WSCD1: variants seen among roughly 807,000 people sequenced by gnomAD.
WSCD1 encodes the protein WSC domain sialate O sulfotransferase 1, also known as sialate:O-sulfotransferase 1.
Under a neutral mutation model 60.4 loss-of-function variants are expected in WSCD1, and 41 were observed. The ratio of observed to expected loss-of-function variants is 0.68; its 90% confidence interval spans 0.53 to 0.88. The LOEUF (loss-of-function observed/expected upper bound fraction) is 0.88, where lower values mean the gene tolerates loss of function less well. Ranked by LOEUF, WSCD1 falls within the 40% of genes least tolerant of loss-of-function variation. The probability of loss-of-function intolerance (pLI) is 0.00; values close to 1 mark genes in which losing one functional copy is unlikely to be tolerated. For synonymous variants in WSCD1, 361 were observed against 332.5 expected, an observed-to-expected ratio of 1.09 and a Z score of -0.93; for missense variants, 784 against 796.2, an observed-to-expected ratio of 0.98 and a Z score of 0.18.
intron 8 of WSCD1, among the ~76,000 whole-genome samples, chr17:6,119,081 T>C (rs997012466): frequency 6.6e-6 from 1 of 152,152 alleles, no homozygotes; most frequent in African/African-American, 2.4e-5. Flanking sequence ...AAGGCACTAA[T>C]TCCATCACAA....
rs1911378363 is a variant in WSCD1 at position 6,111,023 on chromosome 17, CAGT to C, written c.1174+89_1174+91del. On this transcript the variant is annotated intron_variant, in intron 7 of 8. Coordinates refer to ENST00000317744, the MANE Select transcript of WSCD1 (RefSeq NM_015253.2). ...AGCCAAGCTTCTCAGAGCACTAGAG[CAGT>C]GCATCTCAAACTTGAGTGTACATAA... The C allele has an allele frequency of 4.1e-6, 6 of 1,472,138 alleles. No homozygotes were observed. In the Admixed American group the frequency reaches 1.4e-4, roughly 33 times the overall value. The allele number at this position is 1,472,138 out of a possible 1,614,324, so 91.2% of individuals were successfully genotyped here.
At chr17:6,096,132 C>A (rs1252882036) in intron 5 of WSCD1, among the ~76,000 whole-genome samples, 1 of 152,320 alleles carries the variant, frequency 6.6e-6, no homozygotes, top group East Asian at 1.9e-4. Flanking sequence ...TGGGTTAACT[C>A]ATTTAATCCT....
In WSCD1 at chr17:6,080,787, A is replaced by G; in HGVS notation, c.129A>G (p.Pro43=). The G allele has an allele frequency of 1.2e-6, 2 of 1,611,074 alleles. No individual in the cohort carries two copies. Among genetic ancestry groups the G allele is most frequent in the Non-Finnish European group, 1.7e-6 (2 of 1,179,124 alleles). The change falls in exon 2 of 9, where the codon CCA becomes CCG. Residue 43 remains proline (P), a synonymous_variant. Transcript: ENST00000317744. The surrounding 1 kb of genome is among the most constrained non-coding windows in gnomAD (Gnocchi z 6.6). The part of the protein sequence containing the change: ...LLLQRVRVAL[P]QGPRAPGPLQ... ...TGCAGCGGGTCCGCGTGGCTCTCCC[A>G]CAGGGCCCCCGGGCACCCGGCCCCC...
At chr17:6,084,254 C>G (rs752805774) in intron 2 of WSCD1, among the ~76,000 whole-genome samples, 9 of 152,254 alleles carry the variant, frequency 5.9e-5, no homozygotes, top group Non-Finnish European at 1.3e-4. Context: ...AATTTGCTCT[C>G]CTTTGAACAG....
chr17:6,092,713 G>T (rs904391880), intron 4 of WSCD1, among the ~76,000 whole-genome samples: 2 of 152,028 alleles, frequency 1.3e-5, no homozygotes, highest in Non-Finnish European at 1.5e-5. Flanking sequence ...GACTCCCGGC[G>T]GCCCTCCCAG....
At chr17:6,081,573 T>G (rs547840058) in intron 2 of WSCD1, among the ~76,000 whole-genome samples, 1 of 151,716 alleles carries the variant, frequency 6.6e-6, no homozygotes, top group Non-Finnish European at 1.5e-5. Context: ...TAGCCGGGTG[T>G]GGTGGCGCAT....
intron 7 of WSCD1, among the ~76,000 whole-genome samples, chr17:6,116,947 C>G (rs1253394673): frequency 2.6e-5 from 4 of 152,188 alleles, no homozygotes; most frequent in Non-Finnish European, 4.4e-5. Flanking sequence ...GAGACCTCTT[C>G]CCAGGAAGTC....
rs912758252 is a variant in WSCD1 at position 6,124,190 on chromosome 17, C to T, written c.*3529C>T. ...GCTGGGTAGAAGCTGTTTTAATTCC[C>T]CTGTTGAATGTGAAAAAGGTAGTAG... On this transcript the variant is annotated 3_prime_UTR_variant, in exon 9 of 9. Coordinates refer to ENST00000317744, the MANE Select transcript of WSCD1 (RefSeq NM_015253.2). 6.6e-6 allele frequency: 1 copy of T among 152,116 alleles called. No homozygotes were observed. Among genetic ancestry groups the T allele is most frequent in the African/African-American group, 2.4e-5 (1 of 41,404 alleles). 9.4% of individuals were successfully genotyped at this position (152,116 alleles called of 1,614,324 possible).
At chr17:6,087,787 A>G (rs575771659) in intron 2 of WSCD1, among the ~76,000 whole-genome samples, 2 of 152,152 alleles carry the variant, frequency 1.3e-5, no homozygotes, top group Non-Finnish European at 2.9e-5. Context: ...AAAAGAGAAA[A>G]TGGGCAGGAA....
intron 8 of WSCD1, among the ~76,000 whole-genome samples, chr17:6,119,192 G>T (rs951493590): frequency 9.9e-5 from 15 of 152,182 alleles, no homozygotes; most frequent in Non-Finnish European, 1.6e-4. Flanking sequence ...GAATTTGGGG[G>T]GCATACAAGC....
At chr17:6,086,269 A>G (rs147452067) in intron 2 of WSCD1, among the ~76,000 whole-genome samples, 2 of 139,606 alleles carry the variant, frequency 1.4e-5, no homozygotes, top group South Asian at 4.5e-4. Flanking sequence ...ATATATATAT[A>G]TATATACTTA....
chr17:6,094,617 G>C (rs745750956), intron 4 of WSCD1, among the ~76,000 whole-genome samples: 37 of 149,720 alleles, frequency 2.5e-4, no homozygotes, highest in Admixed American at 8.7e-4. Context: ...GGAGAAGGAA[G>C]GAAGGAAGGT....
rs1904674266 is a variant in WSCD1, at chr17:6,121,151, G to A, written c.*490G>A. The A allele has an allele frequency of 5.9e-6, 1 of 169,978 alleles. No homozygotes were observed. Among genetic ancestry groups the A allele is most frequent in the Non-Finnish European group, 1.3e-5 (1 of 79,392 alleles). The allele number at this position is 169,978 out of a possible 1,614,324, so 10.5% of individuals were successfully genotyped here. A position where few individuals can be genotyped will look rare whatever the true frequency, so the allele number is the denominator to read the frequency against. On this transcript the variant is annotated 3_prime_UTR_variant, in exon 9 of 9. Transcript: ENST00000317744. ...AGGGTGTTCGACTCTGGGATGCTGG[G>A]CCGGGCAGACATTTATGCTCTGAGC...
At chr17:6,102,755 C>T (rs1910876808) in intron 5 of WSCD1, among the ~76,000 whole-genome samples, 3 of 152,120 alleles carry the variant, frequency 2.0e-5, no homozygotes, top group South Asian at 2.1e-4. Context: ...TTTCTTTCAC[C>T]GTGCTATGCC....
At chr17:6,112,312 A>G (rs1752960377) in intron 7 of WSCD1, among the ~76,000 whole-genome samples, 1 of 152,226 alleles carries the variant, frequency 6.6e-6, no homozygotes, top group Non-Finnish European at 1.5e-5. Flanking sequence ...CCTCACCACA[A>G]TGAAGGCCAT....
At chr17:6,072,042 G>T (rs1232156071) in intron 1 of WSCD1, among the ~76,000 whole-genome samples, 1 of 152,244 alleles carries the variant, frequency 6.6e-6, no homozygotes, top group East Asian at 1.9e-4. Context: ...GCTCTCACCT[G>T]TGGCTGCATC....
intron 5 of WSCD1, among the ~76,000 whole-genome samples, chr17:6,106,857 G>A (rs1309373505): frequency 6.6e-6 from 1 of 152,172 alleles, no homozygotes; most frequent in Non-Finnish European, 1.5e-5. Flanking sequence ...GGGTATCTGG[G>A]TGAAGGGCAT....
At chr17:6,111,774 C>A (rs1911430013) in intron 7 of WSCD1, among the ~76,000 whole-genome samples, 1 of 141,422 alleles carries the variant, frequency 7.1e-6, no homozygotes, top group South Asian at 2.3e-4. Context: ...TCTCCAATAA[C>A]AGACCCCAAA....
Position 6,080,548 on chromosome 17 carries a change from T to G in WSCD1, c.-111T>G. On this transcript the variant is annotated 5_prime_UTR_variant, in exon 2 of 9. Coordinates refer to ENST00000317744, the MANE Select transcript of WSCD1 (RefSeq NM_015253.2). This position sits in a 1 kb window ranked among gnomAD's most constrained non-coding sequence, Gnocchi z 6.6. ...GTGACCCCAGGCGAGCACAGGCAGG[T>G]GCCAGGAGCCAGGATGCAAGGATGA... 1 of 1,169,170 alleles carries G rather than the reference T, an allele frequency of 8.6e-7. No individual in the cohort carries two copies. The highest frequency in any genetic ancestry group is 1.4e-5 in the South Asian group (1 of 71,322). The allele number at this position is 1,169,170 out of a possible 1,614,324, so 72.4% of individuals were successfully genotyped here.
Sources: allele counts gnomAD v4.1 joint callset (sites outside exome capture counted in the v4.1 genomes callset), GRCh38; gene constraint gnomAD v4.1.1; non-coding constraint Gnocchi (gnomAD v3.1); transcripts MANE v1.5; gene names NCBI Gene and HGNC (gene_info 2026-07-23, HGNC 2026-07-21).